Variants in NBR1 observed in about 807,000 individuals in gnomAD.
NBR1 encodes next to BRCA1 gene 1 protein.
Under a neutral mutation model 115.5 loss-of-function variants are expected in NBR1, and 59 were observed. That is an observed-to-expected ratio of 0.51 (90% confidence interval 0.41 to 0.63). NBR1 has a LOEUF of 0.63. Ranked by LOEUF, NBR1 falls within the 30% of genes least tolerant of loss-of-function variation. The probability of loss-of-function intolerance (pLI) is 0.00; values close to 1 mark genes in which losing one functional copy is unlikely to be tolerated. For synonymous variants in NBR1, 373 were observed against 414.7 expected, an observed-to-expected ratio of 0.90 and a Z score of 1.22; for missense variants, 1,043 against 1,150.5, an observed-to-expected ratio of 0.91 and a Z score of 1.35.
chr17:43,203,536 T>G (rs2057248595), intron 19 of NBR1, 145 bp from the exon 20 acceptor site: 2 of 562,342 alleles, frequency 3.6e-6, no homozygotes, highest in Non-Finnish European at 6.4e-6. Flanking sequence ...GCTATAAAGC[T>G]GATAATGAAA....
chr17:43,195,787 C>T (rs1006957456), intron 14 of NBR1: 2 of 151,880 alleles, frequency 1.3e-5, no homozygotes, highest in Non-Finnish European at 2.9e-5. Flanking sequence ...TGCCATTGCT[C>T]TCCAGCCTGG....
chr17:43,185,770 G>C (rs778321723), intron 5 of NBR1, among the ~76,000 whole-genome samples: 17 of 152,080 alleles, frequency 1.1e-4, no homozygotes, highest in Non-Finnish European at 2.1e-4. Context: ...GGCGAGGTGG[G>C]TGGATCACCT....
intron 2 of NBR1, chr17:43,176,238 T>G (rs2056513327): frequency 5.0e-6 from 1 of 200,686 alleles, no homozygotes; most frequent in African/African-American, 2.3e-5. Context: ...GGAAATGTTC[T>G]CTTGTGTGAG....
At chr17:43,173,311 CAG>C (rs1361608856) in intron 1 of NBR1, among the ~76,000 whole-genome samples, 2 of 151,664 alleles carry the variant, frequency 1.3e-5, no homozygotes, top group Admixed American at 6.6e-5. Flanking sequence ...ATTTTTGAGA[CAG>C]AGTCTCGCTC....
intron 7 of NBR1, 104 bp downstream of exon 7, chr17:43,189,223 T>C: frequency 3.7e-6 from 3 of 819,086 alleles, no homozygotes; most frequent in South Asian, 2.7e-5. Flanking sequence ...CTAGTACCGG[T>C]GAAGAGTGGT....
chr17:43,178,027 G>C (rs753168209), intron 3 of NBR1, 29 bp downstream of exon 3: 29 of 1,562,460 alleles, frequency 1.9e-5, no homozygotes, highest in Non-Finnish European at 2.5e-5. Context: ...CTTATTGCTA[G>C]GTGTTCAGAA....
intron 9 of NBR1, 83 bp from the exon 10 acceptor site, chr17:43,191,289 C>A: frequency 1.0e-6 from 1 of 954,834 alleles, no homozygotes; most frequent in Non-Finnish European, 1.6e-6. Flanking sequence ...GAAGCTGACA[C>A]TGATGGAAAT....
chr17:43,202,179 GAAAAA>G (rs66915634), intron 18 of NBR1, among the ~76,000 whole-genome samples: 2 of 118,018 alleles, frequency 1.7e-5, no homozygotes, highest in Non-Finnish European at 3.3e-5. Context: ...GACTCCGTCT[GAAAAA>G]AAAAAAAAAA....
intron 2 of NBR1, chr17:43,176,119 G>C (rs189903437): frequency 2.3e-6 from 1 of 433,320 alleles, no homozygotes; most frequent in Non-Finnish European, 4.1e-6. Context: ...GAACATTTTA[G>C]AAAGGGAAGG....
At chr17:43,189,873 A>C in intron 8 of NBR1, 71 bp downstream of exon 8, 1 of 1,323,096 alleles carries the variant, frequency 7.6e-7, no homozygotes, top group Middle Eastern at 2.4e-4. Context: ...CTTTCTGTGT[A>C]GGTAAAGGGA....
Position 43,200,269 on chromosome 17 carries a change from A to G in NBR1, c.2129A>G (p.Asp710Gly), listed in dbSNP as rs2057166680. Reference sequence around the variant, plus strand: ...ATGGAGGAGGAGGAGGATGAGGAGGATGAGGAGGAGGAGGATGAGCTCAAA... The same window carrying G: ...ATGGAGGAGGAGGAGGATGAGGAGGGTGAGGAGGAGGAGGATGAGCTCAAA... The part of the protein sequence containing the change: ...AVMEEEEDEE[D>G]EEEEDELKDE... The change falls in exon 17 of 21, where the codon GAT becomes GGT. Residue 710 changes from aspartate (D) to glycine (G), a missense_variant. Coordinates refer to ENST00000590996, the MANE Select transcript of NBR1 (RefSeq NM_005899.5). The G allele has an allele frequency of 1.3e-6, 2 of 1,551,488 alleles. No individual in the cohort carries two copies. Among genetic ancestry groups the G allele is most frequent in the East Asian group, 2.4e-5 (1 of 40,944 alleles).
chr17:43,183,538 A>G (rs566052945), intron 5 of NBR1, among the ~76,000 whole-genome samples: 1 of 151,730 alleles, frequency 6.6e-6, no homozygotes, highest in East Asian at 2.0e-4. Flanking sequence ...TCATTCTGTC[A>G]TAGAGGCTGG....
At chr17:43,176,660 C>T (rs2056524660) in intron 2 of NBR1, 1 of 148,054 alleles carries the variant, frequency 6.8e-6, no homozygotes, top group Non-Finnish European at 1.5e-5. Context: ...TGAGACCCGT[C>T]TCAAAAAAAA....
intron 6 of NBR1, 128 bp downstream of exon 6, chr17:43,186,572 AG>A (rs1209922224): frequency 2.4e-6 from 2 of 831,752 alleles, no homozygotes; most frequent in Non-Finnish European, 3.4e-6. Flanking sequence ...CAGAATGTGC[AG>A]GTTTGTTATA....
intron 19 of NBR1, 114 bp from the exon 20 acceptor site, chr17:43,203,567 C>A (rs1454100207): frequency 6.5e-6 from 4 of 617,324 alleles, no homozygotes; most frequent in African/African-American, 5.5e-5. Flanking sequence ...TCTCTTTTTC[C>A]ATCTAATTTT....
chr17:43,177,550 C>T (rs1388190941), intron 2 of NBR1, among the ~76,000 whole-genome samples: 1 of 146,700 alleles, frequency 6.8e-6, no homozygotes, highest in African/African-American at 2.5e-5. Flanking sequence ...ATTTGCTGTT[C>T]CCTACCCCAC....
chr17:43,189,184 A>G, intron 7 of NBR1, 65 bp downstream of exon 7: 1 of 1,204,530 alleles, frequency 8.3e-7, no homozygotes, highest in Non-Finnish European at 1.2e-6. Flanking sequence ...TGGAAGAAAT[A>G]GAAAACTGAA....
Position 43,186,297 on chromosome 17 carries a change from G to A in NBR1, c.255G>A (p.Gly85=), listed in dbSNP as rs1267516317. ...GNQLQMQVHE[G]HHVVDEAPPP... ...AACTGCAGATGCAAGTCCACGAAGG[G>A]CACCATGTCGTTGATGAAGCCCCAC... Residue 85 remains glycine (G), a synonymous_variant, in exon 6 of 21, where the codon GGG becomes GGA. Transcript: ENST00000590996. The A allele has an allele frequency of 5.0e-6, 8 of 1,588,020 alleles. No individual in the cohort carries two copies. The highest frequency in any genetic ancestry group is 6.0e-6 in the Non-Finnish European group (7 of 1,167,190).
intron 12 of NBR1, among the ~76,000 whole-genome samples, chr17:43,194,129 C>T (rs570053836): frequency 9.2e-5 from 14 of 152,174 alleles, no homozygotes; most frequent in Non-Finnish European, 1.8e-4. Context: ...CTGGTTTTGA[C>T]TATTATAGTT....
Sources: gnomAD v4.1 joint callset for allele counts (sites outside exome capture counted in the v4.1 genomes callset) on GRCh38, gnomAD v4.1.1 for gene constraint, MANE v1.5 for transcripts, NCBI Gene and HGNC (gene_info 2026-07-23, HGNC 2026-07-21) for gene names.